RNFT2: variants seen among roughly 807,000 people sequenced by gnomAD.
The protein encoded by RNFT2 is E3 ubiquitin-protein ligase RNFT2.
In RNFT2, 36 loss-of-function variants were observed where a neutral mutation model predicts 53.0. The ratio of observed to expected loss-of-function variants is 0.68; its 90% CI spans 0.52 to 0.90. The LOEUF (loss-of-function observed/expected upper bound fraction) is 0.90, where lower values mean the gene tolerates loss of function less well. Ranked by LOEUF, RNFT2 falls within the 40% of genes least tolerant of loss-of-function variation. The pLI is 0.00. For missense variants in RNFT2, 514 were observed against 585.6 expected, an observed-to-expected ratio of 0.88 and a Z score of 1.26; for synonymous variants, 260 against 253.2, an observed-to-expected ratio of 1.03 and a Z score of -0.26.
intron 7 of RNFT2, among the ~76,000 whole-genome samples, chr12:116,830,563 C>A (rs1182228522): frequency 6.6e-6 from 1 of 152,138 alleles, no homozygotes; most frequent in Non-Finnish European, 1.5e-5. Flanking sequence ...GTTGGGAGTA[C>A]AGGTGTCAGC....
At chr12:116,755,900 G>T in intron 5 of RNFT2, 9 of 1,338,944 alleles carry the variant, frequency 6.7e-6, no homozygotes, top group Non-Finnish European at 6.4e-6. Flanking sequence ...GAAGATGGCA[G>T]TTCCGGCTGA....
chr12:116,748,832 T>A (rs1387177069), intron 3 of RNFT2: 2 of 271,866 alleles, frequency 7.4e-6, no homozygotes, highest in Admixed American at 9.9e-5. Flanking sequence ...TCGGCCTGGG[T>A]TCGAATCTCC....
intron 6 of RNFT2, among the ~76,000 whole-genome samples, chr12:116,767,914 G>C (rs1205280740): frequency 1.3e-5 from 2 of 152,060 alleles, no homozygotes; most frequent in Admixed American, 1.3e-4. Flanking sequence ...TTGTAATCTG[G>C]TATCTTACAT....
At chr12:116,750,908 A>ATT (rs386377851) in intron 4 of RNFT2, among the ~76,000 whole-genome samples, 1 of 70,026 alleles carries the variant, frequency 1.4e-5, no homozygotes, top group African/African-American at 5.4e-5. Context: ...ATATATATAT[A>ATT]TTTTTTTTTG....
intron 7 of RNFT2, among the ~76,000 whole-genome samples, chr12:116,820,604 T>G (rs1472894979): frequency 3.3e-5 from 5 of 152,102 alleles, no homozygotes; most frequent in African/African-American, 1.2e-4. Flanking sequence ...CCCCCATAGC[T>G]TGTATCTTTT....
Position 116,849,771 on chromosome 12 carries a change from TTC to T in RNFT2, c.*327_*328del, listed in dbSNP as rs1295137151. On this transcript the variant is annotated 3_prime_UTR_variant, in exon 11 of 11. Coordinates refer to ENST00000257575, the MANE Select transcript of RNFT2 (RefSeq NM_001382266.1). Reference sequence around the variant, plus strand: ...ATGAAGTTCCCACTTGTTGGTTATTTTCTCTTTCTTTTTTCTTTTCTTTTCTT... The same window carrying T: ...ATGAAGTTCCCACTTGTTGGTTATTTTCTTTCTTTTTTCTTTTCTTTTCTT... 2 of 1,135,588 alleles carry T rather than the reference TTC, an allele frequency of 1.8e-6. No individual in the cohort carries two copies. Among genetic ancestry groups the T allele is most frequent in the Non-Finnish European group, 2.2e-6 (2 of 924,802 alleles). 70.3% of individuals were successfully genotyped at this position (1,135,588 alleles called of 1,614,324 possible). A position where few individuals can be genotyped will look rare whatever the true frequency, so the allele number is the denominator to read the frequency against.
chr12:116,745,948 G>A (rs573115028), intron 3 of RNFT2, among the ~76,000 whole-genome samples: 3 of 152,080 alleles, frequency 2.0e-5, no homozygotes, highest in Non-Finnish European at 2.9e-5. Context: ...TCACTGTAGC[G>A]GGGGGCAGTG....
At chr12:116,802,228 C>T (rs1488200421) in intron 7 of RNFT2, among the ~76,000 whole-genome samples, 1 of 152,202 alleles carries the variant, frequency 6.6e-6, no homozygotes, top group Non-Finnish European at 1.5e-5. Flanking sequence ...TGAGAAGTCC[C>T]GCAATAAAGA....
At chr12:116,762,787 T>C (rs563088033) in intron 5 of RNFT2, among the ~76,000 whole-genome samples, 1 of 152,264 alleles carries the variant, frequency 6.6e-6, no homozygotes, top group South Asian at 2.1e-4. Flanking sequence ...AATTTTTATA[T>C]TTTTAGTAGA....
intron 3 of RNFT2, among the ~76,000 whole-genome samples, chr12:116,743,878 C>G (rs1245827340): frequency 6.6e-6 from 1 of 152,148 alleles, no homozygotes; most frequent in Non-Finnish European, 1.5e-5. Context: ...TGATACATGA[C>G]TTCACCCCTA....
chr12:116,844,287 G>C (rs1204548424), intron 10 of RNFT2, among the ~76,000 whole-genome samples: 2 of 152,090 alleles, frequency 1.3e-5, no homozygotes, highest in African/African-American at 4.8e-5. Context: ...CTGGAATGTA[G>C]TGGCACGATC....
In RNFT2 at chr12:116,849,374, T is replaced by C. The variant is rs1426845209; in HGVS notation, c.1261T>C (p.Cys421Arg). ...GGACCGTGAGCGCACCTGCCCGCTC[T>C]GCCGCTCGGTCGCCGTGGACACCCT... Reference protein sequence around the residue: ...WLDRERTCPLCRSVAVDTLRC... With the variant: ...WLDRERTCPLRRSVAVDTLRC... The change falls in exon 11 of 11, where the codon TGC becomes CGC. Residue 421 changes from cysteine (C) to arginine (R), a missense_variant. Around this residue, in one of 3 missense-constraint regions of RNFT2, gnomAD observed 273 missense variants for 334.4 expected, o/e 0.82. Transcript: ENST00000257575. 2 of 1,554,068 alleles carry C rather than the reference T, an allele frequency of 1.3e-6. No homozygotes were observed. Among genetic ancestry groups the C allele is most frequent in the Non-Finnish European group, 1.7e-6 (2 of 1,153,438 alleles).
At chr12:116,814,531 C>G (rs1875544779) in intron 7 of RNFT2, among the ~76,000 whole-genome samples, 1 of 151,968 alleles carries the variant, frequency 6.6e-6, no homozygotes, top group Non-Finnish European at 1.5e-5. Flanking sequence ...TATGTAAAGG[C>G]CCTGAGGTGG....
chr12:116,750,882 TATATATATAATATATATATATATATA>T (rs1872204937), intron 4 of RNFT2, among the ~76,000 whole-genome samples: 4 of 1,160 alleles, frequency 3.4e-3, no homozygotes, highest in East Asian at 0.12. Context: ...ATATATATAT[TATATATATAATATATATATATATATA>T]TTTTTTTTTG....
chr12:116,832,893 G>A (rs564133088), intron 7 of RNFT2, among the ~76,000 whole-genome samples: 96 of 127,892 alleles, frequency 7.5e-4, no homozygotes, highest in African/African-American at 2.5e-3. Context: ...TACCCAAGTC[G>A]TGTTCTTTTT....
At chr12:116,767,729 G>T (rs1213515678) in intron 6 of RNFT2, among the ~76,000 whole-genome samples, 1 of 151,862 alleles carries the variant, frequency 6.6e-6, no homozygotes, top group Non-Finnish European at 1.5e-5. Flanking sequence ...ACAGACATGC[G>T]CCACCACGCC....
At chr12:116,751,981 C>T (rs912301552) in intron 4 of RNFT2, among the ~76,000 whole-genome samples, 2 of 151,952 alleles carry the variant, frequency 1.3e-5, no homozygotes, top group Non-Finnish European at 1.5e-5. Flanking sequence ...TGTGCCCTGG[C>T]GGGCTTATAC....
chr12:116,738,897 C>A (rs1380546576), intron 1 of RNFT2, among the ~76,000 whole-genome samples: 1 of 151,868 alleles, frequency 6.6e-6, no homozygotes, highest in Non-Finnish European at 1.5e-5. Flanking sequence ...GAGGGAGGGG[C>A]GAGAGGAGGA....
rs1282820802 is a variant in RNFT2, at chr12:116,769,861, G to A, written c.728+2947G>A. The stretch of plus-strand genomic sequence containing the variant: ...AGCCTGACCAACATGGTGAAACCCC[G>A]TCTCTACTAAAAAAAATACCAAAAT... On this transcript the variant is annotated intron_variant, in intron 6 of 10. Transcript: ENST00000257575. Among the ~76,000 whole-genome samples, 8 of 151,864 alleles carry A rather than the reference G, an allele frequency of 5.3e-5. No homozygotes were observed. The East Asian group carries it at 5.8e-4, about 11-fold the overall frequency.
Sources: allele counts gnomAD v4.1 joint callset (sites outside exome capture counted in the v4.1 genomes callset), GRCh38; gene constraint gnomAD v4.1.1; regional missense constraint gnomAD v4.1.1; transcripts MANE v1.5; gene names NCBI Gene and HGNC (gene_info 2026-07-23, HGNC 2026-07-21).